The following GPR4 variants were observed in gnomAD, a reference collection of about 807,000 sequenced individuals.
GPR4 encodes G protein-coupled receptor 4.
A neutral mutation model predicts 17.8 loss-of-function variants in GPR4; 11 were observed. That is an observed-to-expected ratio of 0.62 (90% confidence interval 0.39 to 1.02). The LOEUF is 1.02. Among genes scored for constraint, GPR4 ranks in the 50% least tolerant of loss-of-function variants. The pLI is 0.00. For missense variants in GPR4, 364 were observed against 495.4 expected (o/e 0.73, Z 2.52); for synonymous variants, 219 against 222.8 (o/e 0.98, Z 0.15).
In GPR4 at chr19:45,591,355, T is replaced by C; in HGVS notation, c.512A>G (p.Lys171Arg). 6.2e-7 allele frequency: 1 copy of C among 1,613,316 alleles called. No homozygotes were observed. Among genetic ancestry groups the C allele is most frequent in the Non-Finnish European group, 8.5e-7 (1 of 1,179,928 alleles). ...DRYNHTFCFE[K>R]FPMEGWVAWM... ...GGCCACCCAGCCTTCCATGGGGAAC[T>C]TCTCAAAGCAGAAGGTGTGGTTGTA... The change falls in exon 2 of 2, where the codon AAG (lysine) becomes AGG (arginine). Residue 171 changes from lysine to arginine, a missense_variant. Lys to Arg is a conservative substitution (Grantham distance 26). Coordinates refer to ENST00000323040, the MANE Select transcript of GPR4 (RefSeq NM_005282.3). The surrounding 1 kb of genome is among the most constrained non-coding windows in gnomAD (Gnocchi z 7.6).
Position 45,595,103 on chromosome 19 carries a change from C to A in GPR4, c.-831-2406G>T, listed in dbSNP as rs570642657. On this transcript the variant is annotated intron_variant, in intron 1 of 1. Transcript: ENST00000323040. ...ACCAGCCTGACCAACATGGAGAAGC[C>A]CTGTCTCTACTAAAAATACAAAATA... Among the ~76,000 whole-genome samples the A allele has an allele frequency of 3.3e-5, 5 of 151,910 alleles. No homozygotes were observed. In the South Asian group the frequency reaches 1.0e-3, roughly 32 times the overall value.
chr19:45,590,626 C>T lies in GPR4; in HGVS notation c.*152G>A. On this transcript the variant is annotated 3_prime_UTR_variant, in exon 2 of 2. Coordinates refer to ENST00000323040, the MANE Select transcript of GPR4 (RefSeq NM_005282.3). Reference sequence around the variant, plus strand: ...TGGGATCTGGGAGCACAAAGGTTGACCAGTGACACACCAACCTCACTCTTC... The same window carrying T: ...TGGGATCTGGGAGCACAAAGGTTGATCAGTGACACACCAACCTCACTCTTC... 1 of 971,270 alleles carries T rather than the reference C, an allele frequency of 1.0e-6. No homozygotes were observed. Among genetic ancestry groups the T allele is most frequent in the East Asian group, 2.7e-5 (1 of 36,936 alleles). The allele number at this position is 971,270 out of a possible 1,614,324, so 60.2% of individuals were successfully genotyped here. A position where few individuals can be genotyped will look rare whatever the true frequency, so the allele number is the denominator to read the frequency against.
intron 1 of GPR4, among the ~76,000 whole-genome samples, chr19:45,593,362 G>GT (rs1210193541): frequency 6.6e-6 from 1 of 151,884 alleles, no homozygotes; most frequent in African/African-American, 2.4e-5. Flanking sequence ...AGCTGGATGT[G>GT]GTGGCACGTG....
In GPR4 at chr19:45,590,664, A is replaced by G. The variant is rs1470471526; in HGVS notation, c.*114T>C. On this transcript the variant is annotated 3_prime_UTR_variant, in exon 2 of 2. Coordinates refer to ENST00000323040, the MANE Select transcript of GPR4 (RefSeq NM_005282.3). ...AACCTCACTCTTCCTAAGTTCTTGT[A>G]TTCTTATGAATATTAACACAGCCCT... 1 of 1,314,170 alleles carries G rather than the reference A, an allele frequency of 7.6e-7. No individual in the cohort carries two copies. The highest frequency in any genetic ancestry group is 1.5e-5 in the African/African-American group (1 of 67,974). The allele number at this position is 1,314,170 out of a possible 1,614,324, so 81.4% of individuals were successfully genotyped here. A position where few individuals can be genotyped will look rare whatever the true frequency, so the allele number is the denominator to read the frequency against.
Position 45,591,065 on chromosome 19 carries a change from A to G in GPR4, c.802T>C (p.Tyr268His). The G allele has an allele frequency of 1.2e-6, 2 of 1,614,036 alleles. No homozygotes were observed. Among genetic ancestry groups the G allele is most frequent in the South Asian group, 2.2e-5 (2 of 91,092 alleles). Residue 268 changes from tyrosine to histidine, a missense_variant, in exon 2 of 2, where the codon TAC becomes CAC. Tyr to His is a moderately conservative substitution (Grantham distance 83). This residue lies in a region of GPR4 where 271 missense variants were observed against 373.1 expected (regional missense o/e 0.73). Transcript: ENST00000323040. This position sits in a 1 kb window ranked among gnomAD's most constrained non-coding sequence, Gnocchi z 7.6. ...CGFEERVFSA[Y>H]HSSLAFTSLN... ...CTGGTGAAAGCCAGTGAGCTGTGGT[A>G]TGCAGAAAAGACGCGCTCCTCGAAG...
chr19:45,599,315 C>T (rs1054538815), intron 1 of GPR4, among the ~76,000 whole-genome samples: 37 of 152,210 alleles, frequency 2.4e-4, no homozygotes, highest in Non-Finnish European at 4.3e-4. Flanking sequence ...AGAAGTGCTA[C>T]AGCCCCCCGC....
At chr19:45,593,267 G>A (rs1970017493) in intron 1 of GPR4, among the ~76,000 whole-genome samples, 2 of 149,754 alleles carry the variant, frequency 1.3e-5, no homozygotes, top group Admixed American at 6.7e-5. Flanking sequence ...TTGGGAGGCC[G>A]AGGCAGGCAG....
At chr19:45,597,920 C>A (rs560835393) in intron 1 of GPR4, among the ~76,000 whole-genome samples, 1 of 152,176 alleles carries the variant, frequency 6.6e-6, no homozygotes, top group Admixed American at 6.5e-5. Flanking sequence ...CTGCCTCCCC[C>A]ACCCCAGACT....
In GPR4 at chr19:45,591,212, T is replaced by C; in HGVS notation, c.655A>G (p.Lys219Glu). The C allele has an allele frequency of 1.2e-6, 2 of 1,613,340 alleles. No homozygotes were observed. The highest frequency in any genetic ancestry group is 1.7e-6 in the Non-Finnish European group (2 of 1,179,902). ...RGSVSTERQEKAKIKRLALSL... is the reference protein window; with the variant it reads ...RGSVSTERQEEAKIKRLALSL... ...AGGGCCAGCCGCTTGATCTTGGCCTTCTCCTGGCGCTCGGTGGACACGCTG... is the reference window on the plus strand; with the variant it reads ...AGGGCCAGCCGCTTGATCTTGGCCTCCTCCTGGCGCTCGGTGGACACGCTG... Residue 219 changes from lysine (K) to glutamate (E), a missense_variant, in exon 2 of 2, where the codon AAG (lysine) becomes GAG (glutamate). By Grantham distance (56) the Lys-to-Glu change is moderately conservative. Transcript: ENST00000323040. This position sits in a 1 kb window ranked among gnomAD's most constrained non-coding sequence, Gnocchi z 7.6.
In GPR4 at chr19:45,591,829, G is replaced by A. The variant is rs1179589214; in HGVS notation, c.38C>T (p.Ser13Leu). 2 of 1,584,988 alleles carry A rather than the reference G, an allele frequency of 1.3e-6. No homozygotes were observed. Among genetic ancestry groups the A allele is most frequent in the African/African-American group, 1.3e-5 (1 of 74,414 alleles). ...TGGCGGAAAGAGGTGGTCCACGCGC[G>A]AGTCCACGTGGCAGCCCTCCCACGT... ...NHTWEGCHVDSRVDHLFPPSL... is the reference protein window; with the variant it reads ...NHTWEGCHVDLRVDHLFPPSL... The change falls in exon 2 of 2, where the codon TCG becomes TTG. Residue 13 changes from serine (S) to leucine (L), a missense_variant. Transcript: ENST00000323040. This position sits in a 1 kb window ranked among gnomAD's most constrained non-coding sequence, Gnocchi z 7.6.
At chr19:45,597,898 T>G (rs1600024885) in intron 1 of GPR4, among the ~76,000 whole-genome samples, 1 of 152,132 alleles carries the variant, frequency 6.6e-6, no homozygotes, top group African/African-American at 2.4e-5. Flanking sequence ...TGTGGGGTCC[T>G]CAGCGGCAGA....
chr19:45,591,068 C>A lies in GPR4; in HGVS notation c.799G>T (p.Ala267Ser). Residue 267 changes from alanine (A) to serine (S), a missense_variant, in exon 2 of 2, where the codon GCA becomes TCA. Physicochemically the swap from Ala to Ser is moderately conservative, Grantham distance 99. Transcript: ENST00000323040. The surrounding 1 kb of genome is among the most constrained non-coding windows in gnomAD (Gnocchi z 7.6). ...DCGFEERVFS[A>S]YHSSLAFTSL... is the part of the protein sequence containing the mutation. ...GTGAAAGCCAGTGAGCTGTGGTATG[C>A]AGAAAAGACGCGCTCCTCGAAGCCG... 1 of 1,613,964 alleles carries A rather than the reference C, an allele frequency of 6.2e-7. No homozygotes were observed. Among genetic ancestry groups the A allele is most frequent in the Non-Finnish European group, 8.5e-7 (1 of 1,180,042 alleles).
At chr19:45,593,596 T>G (rs1003004043) in intron 1 of GPR4, among the ~76,000 whole-genome samples, 4 of 152,018 alleles carry the variant, frequency 2.6e-5, no homozygotes, top group Admixed American at 2.6e-4. Flanking sequence ...AGCATTTTCC[T>G]GCAGAATTCC....
At chr19:45,594,983 CA>C (rs367765593) in intron 1 of GPR4, among the ~76,000 whole-genome samples, 21 of 139,396 alleles carry the variant, frequency 1.5e-4, no homozygotes, top group African/African-American at 5.3e-4. Flanking sequence ...AACTCCATCT[CA>C]AAAAAAAGAA....
At position 45,591,722 on chromosome 19, in the gene GPR4, G is replaced by A. The variant is rs745312311; in HGVS notation, c.145C>T (p.Arg49Cys). ...LWAAYRQVQQ[R>C]NELGVYLMNL... Reference sequence around the variant, plus strand: ...ATCAGGTAGACGCCCAGCTCGTTGCGCTGTTGCACCTGGCGGTAGGCCGCC... The same window carrying A: ...ATCAGGTAGACGCCCAGCTCGTTGCACTGTTGCACCTGGCGGTAGGCCGCC... The change falls in exon 2 of 2, where the codon CGC (arginine) becomes TGC (cysteine). Residue 49 changes from arginine to cysteine, a missense_variant. Coordinates refer to ENST00000323040, the MANE Select transcript of GPR4 (RefSeq NM_005282.3). The surrounding 1 kb of genome is among the most constrained non-coding windows in gnomAD (Gnocchi z 7.6). 23 of 1,613,898 alleles carry A rather than the reference G, an allele frequency of 1.4e-5. No individual in the cohort carries two copies. In the South Asian group the frequency reaches 2.1e-4, roughly 15 times the overall value.
At chr19:45,598,056 A>T (rs1970075796) in intron 1 of GPR4, among the ~76,000 whole-genome samples, 1 of 151,224 alleles carries the variant, frequency 6.6e-6, no homozygotes, top group Non-Finnish European at 1.5e-5. Context: ...CACTCAAAAT[A>T]ACCTCCCTCC....
Position 45,591,818 on chromosome 19 carries a change from G to T in GPR4, c.49C>A (p.His17Asn). ...EGCHVDSRVD[H>N]LFPPSLYIFV... ...ATGTAGAGGGATGGCGGAAAGAGGTGGTCCACGCGCGAGTCCACGTGGCAG... is the reference window on the plus strand; with the variant it reads ...ATGTAGAGGGATGGCGGAAAGAGGTTGTCCACGCGCGAGTCCACGTGGCAG... The change falls in exon 2 of 2, where the codon CAC becomes AAC. Residue 17 changes from histidine (H) to asparagine (N), a missense_variant. By Grantham distance (68) the His-to-Asn change is moderately conservative. Around this residue, in one of 3 missense-constraint regions of GPR4, gnomAD observed 271 missense variants for 373.1 expected, o/e 0.73. Transcript: ENST00000323040. This position sits in a 1 kb window ranked among gnomAD's most constrained non-coding sequence, Gnocchi z 7.6. 6.3e-7 allele frequency: 1 copy of T among 1,598,648 alleles called. No homozygotes were observed. Among genetic ancestry groups the T allele is most frequent in the Non-Finnish European group, 8.5e-7 (1 of 1,169,892 alleles).
At chr19:45,594,080 A>ATATATATATATTTTT (rs1970031632) in intron 1 of GPR4, among the ~76,000 whole-genome samples, 2 of 126,328 alleles carry the variant, frequency 1.6e-5, no homozygotes, top group Middle Eastern at 3.9e-3. Context: ...ATATATATAT[A>ATATATATATATTTTT]TATATATATA....
In GPR4 at chr19:45,591,256, A is replaced by T; in HGVS notation, c.611T>A (p.Ile204Asn). The change falls in exon 2 of 2, where the codon ATC becomes AAC. Residue 204 changes from isoleucine to asparagine, a missense_variant. Physicochemically the swap from Ile to Asn is moderately radical, Grantham distance 149. Coordinates refer to ENST00000323040, the MANE Select transcript of GPR4 (RefSeq NM_005282.3). The surrounding 1 kb of genome is among the most constrained non-coding windows in gnomAD (Gnocchi z 7.6). ...CACGCTGCCCCGCACGGCCCGCAGG[A>T]TGCCCCGGTACGACAGCAGCATGAG... The part of the protein sequence containing the change: ...WALMLLSYRG[I>N]LRAVRGSVST... The T allele has an allele frequency of 6.2e-7, 1 of 1,613,186 alleles. No individual in the cohort carries two copies. Among genetic ancestry groups the T allele is most frequent in the Non-Finnish European group, 8.5e-7 (1 of 1,179,936 alleles).
Sources: gnomAD v4.1 joint callset for allele counts (sites outside exome capture counted in the v4.1 genomes callset) on GRCh38, gnomAD v4.1.1 for gene constraint, gnomAD v4.1.1 regional missense constraint, Gnocchi (gnomAD v3.1) non-coding constraint, MANE v1.5 for transcripts, NCBI Gene and HGNC (gene_info 2026-07-23, HGNC 2026-07-21) for gene names.